Variants in CDH19 observed in about 807,000 individuals in gnomAD.
CDH19 encodes the protein cadherin 19, also known as cadherin-19.
Under a neutral mutation model 64.2 loss-of-function variants are expected in CDH19, and 67 were observed. The ratio of observed to expected loss-of-function variants is 1.04; its 90% CI spans 0.86 to 1.28. The LOEUF (loss-of-function observed/expected upper bound fraction) is 1.28. Ranked by LOEUF, CDH19 falls within the 50% of genes most tolerant of loss-of-function variation. The pLI is 0.00. For missense variants in CDH19, 1,030 were observed against 929.0 expected (o/e 1.11, Z -1.41); for synonymous variants, 346 against 319.3 (o/e 1.08, Z -0.89).
intron 1 of CDH19, among the ~76,000 whole-genome samples, chr18:66,574,549 CATA>C (rs772157617): frequency 3.9e-4 from 59 of 150,580 alleles, no homozygotes; most frequent in Non-Finnish European, 7.4e-4. Context: ...TCTGAAAAAA[CATA>C]ATGAGAAACA....
At chr18:66,565,294 ATG>A (rs771220938) in intron 3 of CDH19, among the ~76,000 whole-genome samples, 2 of 151,986 alleles carry the variant, frequency 1.3e-5, no homozygotes, top group Non-Finnish European at 2.9e-5. Context: ...TTGTAAAGAA[ATG>A]TGTGTTTAAT....
chr18:66,506,099 T>C (rs534225800), intron 11 of CDH19, among the ~76,000 whole-genome samples: 21 of 152,086 alleles, frequency 1.4e-4, no homozygotes, highest in Admixed American at 3.9e-4. Flanking sequence ...ATCTCACTTA[T>C]ACATGGAATC....
At chr18:66,595,512 G>GAAAA (rs55914622) in intron 1 of CDH19, among the ~76,000 whole-genome samples, 2 of 84,116 alleles carry the variant, frequency 2.4e-5, no homozygotes, top group African/African-American at 5.1e-5. Flanking sequence ...CGGCCCCACA[G>GAAAA]AAAAAAAAAA....
intron 3 of CDH19, among the ~76,000 whole-genome samples, chr18:66,562,131 G>A (rs1169646247): frequency 6.6e-6 from 1 of 151,866 alleles, no homozygotes; most frequent in Non-Finnish European, 1.5e-5. Flanking sequence ...GGTCAGGGTG[G>A]GGAGTGGGCA....
At chr18:66,601,396 C>T (rs1184460305) in intron 1 of CDH19, among the ~76,000 whole-genome samples, 1 of 151,816 alleles carries the variant, frequency 6.6e-6, no homozygotes, top group Non-Finnish European at 1.5e-5. Flanking sequence ...CCAAAATTAT[C>T]CCCACTTTAA....
At chr18:66,540,755 C>CA (rs1176501711) in intron 7 of CDH19, among the ~76,000 whole-genome samples, 1 of 152,098 alleles carries the variant, frequency 6.6e-6, no homozygotes, top group Admixed American at 6.5e-5. Flanking sequence ...TTTAGGATTT[C>CA]AAAATGGGAC....
At chr18:66,561,581 G>A (rs574026063) in intron 3 of CDH19, among the ~76,000 whole-genome samples, 2 of 152,240 alleles carry the variant, frequency 1.3e-5, no homozygotes, top group South Asian at 4.1e-4. Context: ...TAAACAGAGA[G>A]TGAAAAAATG....
intron 3 of CDH19, among the ~76,000 whole-genome samples, chr18:66,558,132 G>T (rs1454780874): frequency 6.7e-6 from 1 of 148,366 alleles, no homozygotes; most frequent in East Asian, 2.0e-4. Flanking sequence ...CGACAGACAT[G>T]TATCTGTATC....
In CDH19 at chr18:66,539,735, G is replaced by A. The variant is rs114638002; in HGVS notation, c.1214+4236C>T. ...ATCTGTAGTTTTCTTTGCTTGTTAC[G>A]TATGGTAGGATATATCAGTGGCATC... On this transcript the variant is annotated intron_variant, in intron 7 of 11. Coordinates refer to ENST00000262150, the MANE Select transcript of CDH19 (RefSeq NM_021153.4). Among the ~76,000 whole-genome samples, 1,049 of 152,014 alleles carry A rather than the reference G, an allele frequency of 6.9e-3. 12 individuals carry two copies. Among genetic ancestry groups the A allele is most frequent in the African/African-American group, 0.024 (988 of 41,504 alleles).
intron 7 of CDH19, among the ~76,000 whole-genome samples, chr18:66,542,534 G>A (rs1159457816): frequency 2.0e-5 from 3 of 151,994 alleles, no homozygotes; most frequent in African/African-American, 4.8e-5. Flanking sequence ...TTATAACATA[G>A]TAACTGAAAA....
intron 9 of CDH19, among the ~76,000 whole-genome samples, chr18:66,517,142 G>A (rs570417498): frequency 6.6e-6 from 1 of 152,092 alleles, no homozygotes; most frequent in East Asian, 1.9e-4. Context: ...ATTTGGATAT[G>A]AACTGTAGTC....
chr18:66,560,183 A>G (rs528829294), intron 3 of CDH19, among the ~76,000 whole-genome samples: 42 of 152,266 alleles, frequency 2.8e-4, no homozygotes, highest in Admixed American at 9.8e-4. Flanking sequence ...GCAAACGCCT[A>G]GGACAAAACT....
At chr18:66,511,789 A>G (rs1985503294) in intron 9 of CDH19, 104 bp from the exon 10 acceptor site, 1 of 686,526 alleles carries the variant, frequency 1.5e-6, no homozygotes, top group East Asian at 2.7e-5. Context: ...ATTACAATCA[A>G]TAGGGACATT....
intron 1 of CDH19, among the ~76,000 whole-genome samples, chr18:66,594,543 G>T (rs1300962281): frequency 1.3e-5 from 2 of 151,728 alleles, no homozygotes; most frequent in Non-Finnish European, 2.9e-5. Context: ...TGTTCAAAAA[G>T]CCCAAAGTCA....
intron 11 of CDH19, among the ~76,000 whole-genome samples, 159 bp from the exon 12 acceptor site, chr18:66,505,461 A>G (rs1188229249): frequency 6.6e-6 from 1 of 150,664 alleles, no homozygotes; most frequent in Non-Finnish European, 1.5e-5. Flanking sequence ...AGGGACTTGC[A>G]AAATTACAAA....
intron 1 of CDH19, among the ~76,000 whole-genome samples, chr18:66,586,016 T>C (rs1988567884): frequency 6.6e-6 from 1 of 152,184 alleles, no homozygotes; most frequent in East Asian, 1.9e-4. Context: ...TGAATCTAAT[T>C]AGAAATTGTC....
chr18:66,569,610 T>C (rs1032951655), intron 2 of CDH19, among the ~76,000 whole-genome samples: 1 of 151,718 alleles, frequency 6.6e-6, no homozygotes, highest in Non-Finnish European at 1.5e-5. Context: ...TCATCATTCA[T>C]ACTGTTGAGG....
chr18:66,591,009 C>T (rs566183144), intron 1 of CDH19, among the ~76,000 whole-genome samples: 6 of 151,850 alleles, frequency 4.0e-5, no homozygotes, highest in East Asian at 3.9e-4. Context: ...CATTTTGTAA[C>T]ATTAAGTCAA....
At chr18:66,557,772 T>C (rs1416255946) in intron 3 of CDH19, among the ~76,000 whole-genome samples, 3 of 151,856 alleles carry the variant, frequency 2.0e-5, no homozygotes, top group Non-Finnish European at 4.4e-5. Context: ...TGTATACAGG[T>C]AGATCTAAGT....
Sources: allele counts gnomAD v4.1 joint callset (sites outside exome capture counted in the v4.1 genomes callset), GRCh38; gene constraint gnomAD v4.1.1; transcripts MANE v1.5; gene names NCBI Gene and HGNC (gene_info 2026-07-23, HGNC 2026-07-21).